Variants in SNTG1 observed in about 807,000 individuals in gnomAD.
The protein encoded by SNTG1 is gamma-1-syntrophin.
In SNTG1, 39 loss-of-function variants were observed where a neutral mutation model predicts 74.7. The ratio of observed to expected loss-of-function variants is 0.52; its 90% CI spans 0.40 to 0.68. The LOEUF (loss-of-function observed/expected upper bound fraction) is 0.68. Among genes scored for constraint, SNTG1 ranks in the 30% least tolerant of loss-of-function variants. SNTG1 has a pLI of 0.00. For synonymous variants in SNTG1, 254 were observed against 217.1 expected (o/e 1.17, Z -1.49); for missense variants, 685 against 609.5 (o/e 1.12, Z -1.30).
At chr8:50,189,142 T>C (rs754070639) in intron 2 of SNTG1, among the ~76,000 whole-genome samples, 4 of 152,176 alleles carry the variant, frequency 2.6e-5, no homozygotes, top group Non-Finnish European at 4.4e-5. Context: ...CAAGGATATT[T>C]TGACAATCTC....
At chr8:50,681,671 A>G (rs1006765478) in intron 15 of SNTG1, among the ~76,000 whole-genome samples, 4 of 152,218 alleles carry the variant, frequency 2.6e-5, no homozygotes, top group African/African-American at 4.8e-5. Context: ...AAGCCTCAGA[A>G]TGAGCCAGCA....
chr8:50,364,238 G>A (rs1183891132), intron 2 of SNTG1, among the ~76,000 whole-genome samples: 1 of 152,170 alleles, frequency 6.6e-6, no homozygotes. Flanking sequence ...CTGCTTAGAG[G>A]TTTTCTGAAA....
chr8:50,270,052 G>T (rs1020039432), intron 2 of SNTG1, among the ~76,000 whole-genome samples: 1 of 152,032 alleles, frequency 6.6e-6, no homozygotes, highest in East Asian at 1.9e-4. Context: ...CCAAGTATAA[G>T]TTAGTAATGG....
At chr8:50,692,711 G>A (rs981462470) in intron 15 of SNTG1, among the ~76,000 whole-genome samples, 3 of 152,216 alleles carry the variant, frequency 2.0e-5, no homozygotes, top group African/African-American at 4.8e-5. Flanking sequence ...ACCCACTTGA[G>A]GAGGCAGTCT....
intron 12 of SNTG1, among the ~76,000 whole-genome samples, chr8:50,564,847 A>G (rs1193148244): frequency 6.6e-6 from 1 of 152,110 alleles, no homozygotes; most frequent in East Asian, 1.9e-4. Context: ...AAAATATGCT[A>G]TTATTAAAAA....
chr8:50,703,184 T>C (rs1482229632), intron 15 of SNTG1, among the ~76,000 whole-genome samples: 2 of 152,220 alleles, frequency 1.3e-5, no homozygotes, highest in Non-Finnish European at 2.9e-5. Context: ...AGTTAATTTT[T>C]TCAACTTTGG....
At chr8:50,576,136 G>C (rs2094575516) in intron 12 of SNTG1, among the ~76,000 whole-genome samples, 2 of 152,098 alleles carry the variant, frequency 1.3e-5, no homozygotes, top group African/African-American at 4.8e-5. Flanking sequence ...CTTATGCTCA[G>C]GTCTTTGGGT....
At chr8:50,669,237 A>G (rs938405078) in intron 15 of SNTG1, among the ~76,000 whole-genome samples, 9 of 152,166 alleles carry the variant, frequency 5.9e-5, no homozygotes, top group Admixed American at 2.6e-4. Flanking sequence ...CCTTCAAAGA[A>G]TTAGTGAATC....
chr8:49,928,180 T>TAAAA (rs772020650), intron 1 of SNTG1, among the ~76,000 whole-genome samples: 8 of 143,996 alleles, frequency 5.6e-5, no homozygotes, highest in African/African-American at 1.5e-4. Flanking sequence ...AATAAATAAA[T>TAAAA]AAAAATAAAA....
At chr8:50,064,722 G>C (rs1219523966) in intron 1 of SNTG1, among the ~76,000 whole-genome samples, 2 of 152,046 alleles carry the variant, frequency 1.3e-5, no homozygotes, top group Non-Finnish European at 2.9e-5. Flanking sequence ...TGCTTGCTCT[G>C]TTTTTTCTGC....
chr8:50,390,836 T>A (rs1186123785), intron 2 of SNTG1, among the ~76,000 whole-genome samples: 1 of 152,242 alleles, frequency 6.6e-6, no homozygotes, highest in Non-Finnish European at 1.5e-5. Flanking sequence ...GAAGCAATTG[T>A]GAATGGGAAT....
At chr8:50,615,313 A>T (rs912394822) in intron 13 of SNTG1, among the ~76,000 whole-genome samples, 1 of 152,210 alleles carries the variant, frequency 6.6e-6, no homozygotes, top group East Asian at 1.9e-4. Context: ...CTTAGAAGAA[A>T]AAAAGTATAG....
chr8:49,922,808 T>C (rs1806673537), intron 1 of SNTG1, among the ~76,000 whole-genome samples: 1 of 152,188 alleles, frequency 6.6e-6, no homozygotes, highest in African/African-American at 2.4e-5. Flanking sequence ...ATTTTTATCC[T>C]GGTCCTGTTT....
At chr8:50,228,536 A>G (rs2085457587) in intron 2 of SNTG1, among the ~76,000 whole-genome samples, 1 of 151,984 alleles carries the variant, frequency 6.6e-6, no homozygotes, top group Non-Finnish European at 1.5e-5. Flanking sequence ...ACCAGAGGAA[A>G]AAACTTCTTA....
At chr8:50,430,236 T>A (rs2093217945) in intron 4 of SNTG1, among the ~76,000 whole-genome samples, 1 of 152,200 alleles carries the variant, frequency 6.6e-6, no homozygotes, top group South Asian at 2.1e-4. Flanking sequence ...TTTCATGGCA[T>A]ATGAATTATA....
chr8:50,566,189 T>A (rs933704602), intron 12 of SNTG1, among the ~76,000 whole-genome samples: 9 of 151,960 alleles, frequency 5.9e-5, no homozygotes, highest in African/African-American at 2.2e-4. Flanking sequence ...AAAAGGCTAT[T>A]TAATCAATGT....
rs1475332686 is a variant in SNTG1, at chr8:50,597,294, C to CGTATATAT, written c.849+6377_849+6378insGTATATAT. ...GAGAATATATACATATATATATACA[C>CGTATATAT]ACACATATATATACATATATACACG... is the stretch of plus-strand genomic sequence containing the variant. On this transcript the variant is annotated intron_variant, in intron 13 of 18. Coordinates refer to ENST00000642720, the MANE Select transcript of SNTG1 (RefSeq NM_018967.5). Among the ~76,000 whole-genome samples the CGTATATAT allele has an allele frequency of 2.1e-3, 303 of 144,536 alleles. 1 individual carries two copies. Among genetic ancestry groups the CGTATATAT allele is most frequent in the Non-Finnish European group, 4.2e-3 (268 of 64,160 alleles). 94.8% of individuals were successfully genotyped at this position (144,536 alleles called of 152,430 possible). A position where few individuals can be genotyped will look rare whatever the true frequency, so the allele number is the denominator to read the frequency against.
At chr8:50,208,918 C>T (rs947606295) in intron 2 of SNTG1, among the ~76,000 whole-genome samples, 14 of 152,150 alleles carry the variant, frequency 9.2e-5, no homozygotes, top group South Asian at 2.1e-4. Context: ...GTTCAGCCCA[C>T]GGAGCAGGGC....
intron 1 of SNTG1, among the ~76,000 whole-genome samples, chr8:49,942,791 T>C (rs959370869): frequency 6.6e-6 from 1 of 152,208 alleles, no homozygotes; most frequent in African/African-American, 2.4e-5. Context: ...TTGCATCCTG[T>C]CAACACAACG....
Sources: gnomAD v4.1 joint callset for allele counts (sites outside exome capture counted in the v4.1 genomes callset) on GRCh38, gnomAD v4.1.1 for gene constraint, MANE v1.5 for transcripts, NCBI Gene and HGNC (gene_info 2026-07-23, HGNC 2026-07-21) for gene names.